Variants in SLC4A10 observed in about 807,000 individuals in gnomAD.
The protein encoded by SLC4A10 is solute carrier family 4 member 10.
Under a neutral mutation model 137.7 loss-of-function variants are expected in SLC4A10, and 42 were observed. That is an observed-to-expected ratio of 0.30 (90% CI 0.24 to 0.39). SLC4A10 has a LOEUF of 0.39. Among genes scored for constraint, SLC4A10 ranks in the 10% least tolerant of loss-of-function variants. SLC4A10 has a pLI of 1.00. For missense variants in SLC4A10, 925 were observed against 1,355.0 expected (o/e 0.68, Z 4.98); for synonymous variants, 474 against 464.1 (o/e 1.02, Z -0.27).
intron 3 of SLC4A10, among the ~76,000 whole-genome samples, chr2:161,823,013 T>A (rs1028775019): frequency 1.3e-5 from 2 of 152,090 alleles, no homozygotes; most frequent in African/African-American, 4.8e-5. Flanking sequence ...TTTTTTTAGA[T>A]TTGTGACATT....
At chr2:161,759,249 G>A (rs60152884) in intron 1 of SLC4A10, among the ~76,000 whole-genome samples, 359 of 151,974 alleles carry the variant, frequency 2.4e-3, no homozygotes, top group African/African-American at 7.8e-3. Context: ...GTGATGATTT[G>A]ATATACATTG....
At chr2:161,866,323 C>T (rs551394817) in intron 6 of SLC4A10, among the ~76,000 whole-genome samples, 1 of 152,040 alleles carries the variant, frequency 6.6e-6, no homozygotes, top group South Asian at 2.1e-4. Flanking sequence ...CCAAGTCTAC[C>T]ATTCTTTGTC....
At chr2:161,956,800 A>G (rs1254591722) in intron 19 of SLC4A10, among the ~76,000 whole-genome samples, 189 bp from the exon 20 acceptor site, 1 of 152,212 alleles carries the variant, frequency 6.6e-6, no homozygotes, top group African/African-American at 2.4e-5. Flanking sequence ...TATTTTTTCT[A>G]ATAGAAGTCA....
intron 1 of SLC4A10, among the ~76,000 whole-genome samples, chr2:161,663,307 A>G (rs1200072899): frequency 2.6e-5 from 4 of 152,008 alleles, no homozygotes; most frequent in Non-Finnish European, 5.9e-5. Flanking sequence ...GAAGTGAAGA[A>G]TATGTTTCTT....
chr2:161,930,600 T>C (rs1690171531), intron 15 of SLC4A10, among the ~76,000 whole-genome samples: 5 of 151,144 alleles, frequency 3.3e-5, no homozygotes, highest in Admixed American at 2.0e-4. Flanking sequence ...AACTCAGGGG[T>C]TGGGTGATTT....
At position 161,936,743 on chromosome 2, in the gene SLC4A10, T is replaced by A. The variant is rs76188489; in HGVS notation, c.1998-6049T>A. The stretch of plus-strand genomic sequence containing the variant: ...TCAAAACACCAACCTTTAGTTGAGC[T>A]GTTCTATTGTTAGATAGAATAGAAT... On this transcript the variant is annotated intron_variant, in intron 15 of 26. Transcript: ENST00000446997. Among the ~76,000 whole-genome samples the A allele has an allele frequency of 4.3e-3, 651 of 152,288 alleles. 5 individuals carry two copies. Among genetic ancestry groups the A allele is most frequent in the African/African-American group, 0.015 (618 of 41,568 alleles).
chr2:161,888,991 G>T (rs115848314), intron 10 of SLC4A10, among the ~76,000 whole-genome samples: 10,422 of 152,140 alleles, frequency 0.069, 459 homozygotes, highest in East Asian at 0.13. Flanking sequence ...GTTTTTAGCA[G>T]GAAAGGGTGT....
chr2:161,786,136 T>A (rs902028541), intron 2 of SLC4A10, among the ~76,000 whole-genome samples: 1 of 152,040 alleles, frequency 6.6e-6, no homozygotes, highest in African/African-American at 2.4e-5. Flanking sequence ...GATAGTTAAA[T>A]CTTCTTGTAG....
intron 1 of SLC4A10, among the ~76,000 whole-genome samples, chr2:161,702,700 A>G (rs2043251432): frequency 1.3e-5 from 2 of 151,832 alleles, no homozygotes; most frequent in Admixed American, 6.6e-5. Flanking sequence ...GAAAAAATAA[A>G]GTCTATGTCT....
At chr2:161,835,289 G>A (rs1020419971) in intron 3 of SLC4A10, among the ~76,000 whole-genome samples, 39 of 152,028 alleles carry the variant, frequency 2.6e-4, no homozygotes, top group African/African-American at 7.7e-4. Flanking sequence ...CGTCCACCTC[G>A]GCCTCCCAAA....
chr2:161,918,102 A>G (rs1340312480), intron 15 of SLC4A10, among the ~76,000 whole-genome samples: 1 of 152,060 alleles, frequency 6.6e-6, no homozygotes. Flanking sequence ...ATACATTATT[A>G]TTTTACTTAG....
chr2:161,701,283 CT>C (rs1395326080), intron 1 of SLC4A10, among the ~76,000 whole-genome samples: 13 of 151,900 alleles, frequency 8.6e-5, no homozygotes, highest in African/African-American at 2.9e-4. Flanking sequence ...TGTTAACAAT[CT>C]ATTTATTTAT....
chr2:161,853,069 C>A (rs2059918426), intron 4 of SLC4A10, among the ~76,000 whole-genome samples: 1 of 152,120 alleles, frequency 6.6e-6, no homozygotes, highest in Non-Finnish European at 1.5e-5. Flanking sequence ...ATTCTCATAT[C>A]TGACAAGAAA....
At chr2:161,812,773 G>A (rs2056676687) in intron 3 of SLC4A10, among the ~76,000 whole-genome samples, 1 of 151,900 alleles carries the variant, frequency 6.6e-6, no homozygotes, top group South Asian at 2.1e-4. Flanking sequence ...CACCCTAATG[G>A]TACCTAGTTG....
chr2:161,962,818 A>G (rs1338867042), intron 21 of SLC4A10, among the ~76,000 whole-genome samples: 1 of 152,152 alleles, frequency 6.6e-6, no homozygotes, highest in African/African-American at 2.4e-5. Flanking sequence ...TTATGTATAC[A>G]AGCAGGTCTT....
intron 1 of SLC4A10, among the ~76,000 whole-genome samples, chr2:161,686,012 GT>G (rs2041364158): frequency 6.6e-6 from 1 of 152,200 alleles, no homozygotes; most frequent in African/African-American, 2.4e-5. Context: ...GCCCAAAGGA[GT>G]TAGCCCCCAA....
intron 15 of SLC4A10, among the ~76,000 whole-genome samples, chr2:161,924,800 C>A (rs1688763729): frequency 6.6e-6 from 1 of 152,128 alleles, no homozygotes. Context: ...GTAACACATG[C>A]CATTGTATTC....
chr2:161,897,999 A>T (rs2105266654), intron 11 of SLC4A10, among the ~76,000 whole-genome samples: 1 of 152,248 alleles, frequency 6.6e-6, no homozygotes, highest in South Asian at 2.1e-4. Context: ...ATTGTTTATG[A>T]TTTTATGACA....
chr2:161,942,377 G>A (rs918281764), intron 15 of SLC4A10, among the ~76,000 whole-genome samples: 1 of 152,102 alleles, frequency 6.6e-6, no homozygotes, highest in Non-Finnish European at 1.5e-5. Flanking sequence ...GGTAGCTAGA[G>A]TTCTCCTTTC....
Sources: gnomAD v4.1 joint callset for allele counts (sites outside exome capture counted in the v4.1 genomes callset) on GRCh38, gnomAD v4.1.1 for gene constraint, MANE v1.5 for transcripts, NCBI Gene and HGNC (gene_info 2026-07-23, HGNC 2026-07-21) for gene names.